The following ZPLD1 variants were observed in gnomAD, a reference collection of about 807,000 sequenced individuals.
ZPLD1 encodes zona pellucida-like domain-containing protein 1.
ZPLD1 carries 34 observed loss-of-function variants against 47.2 expected under a neutral mutation model. The observed-to-expected ratio is 0.72, with a 90% confidence interval of 0.55 to 0.96. The LOEUF (loss-of-function observed/expected upper bound fraction) is 0.96. ZPLD1 is among the 40% of genes least tolerant of loss of function. The pLI is 0.00. For missense variants in ZPLD1, 512 were observed against 505.8 expected (o/e 1.01, Z -0.12); for synonymous variants, 176 against 186.2 (o/e 0.95, Z 0.45).
intron 7 of ZPLD1, among the ~76,000 whole-genome samples, chr3:102,416,130 A>G (rs957264175): frequency 2.6e-5 from 4 of 151,924 alleles, no homozygotes; most frequent in Non-Finnish European, 5.9e-5. Flanking sequence ...ATGTTTTCCA[A>G]TAACTGGTAA....
At chr3:102,459,219 T>C (rs948551302) in intron 6 of ZPLD1, among the ~76,000 whole-genome samples, 1 of 152,096 alleles carries the variant, frequency 6.6e-6, no homozygotes, top group Non-Finnish European at 1.5e-5. Context: ...TAACAATATT[T>C]ATATAACTTT....
intron 7 of ZPLD1, among the ~76,000 whole-genome samples, chr3:102,414,297 CT>C (rs1706779635): frequency 1.3e-5 from 2 of 151,858 alleles, no homozygotes; most frequent in East Asian, 3.9e-4. Context: ...AGGAATAGCA[CT>C]ATCTATGACA....
chr3:102,418,852 T>G (rs755422778), intron 8 of ZPLD1, among the ~76,000 whole-genome samples: 4 of 152,054 alleles, frequency 2.6e-5, no homozygotes, highest in Non-Finnish European at 5.9e-5. Flanking sequence ...GAATCTCCCA[T>G]AACCTGGGAG....
intron 7 of ZPLD1, among the ~76,000 whole-genome samples, chr3:102,405,229 G>T (rs544033493): frequency 1.3e-5 from 2 of 151,950 alleles, no homozygotes; most frequent in South Asian, 4.2e-4. Flanking sequence ...TACACATTTG[G>T]TTCATTCTCT....
intron 8 of ZPLD1, among the ~76,000 whole-genome samples, chr3:102,464,706 A>G (rs940659921): frequency 1.3e-5 from 2 of 152,190 alleles, no homozygotes; most frequent in African/African-American, 2.4e-5. Flanking sequence ...ATTTAGTATA[A>G]AACTATAATA....
At chr3:102,389,690 T>C (rs1055162099) in intron 6 of ZPLD1, among the ~76,000 whole-genome samples, 4 of 152,180 alleles carry the variant, frequency 2.6e-5, no homozygotes, top group African/African-American at 4.8e-5. Context: ...CGTGGTTCAT[T>C]TATATAGCTT....
rs528456309 is a variant in ZPLD1 at position 102,438,351 on chromosome 3, C to T, written c.-8-129C>T. On this transcript the variant is annotated intron_variant, in intron 2 of 11. Coordinates refer to ENST00000466937, the MANE Select transcript of ZPLD1 (RefSeq NM_001329788.2). ...TACTACCGATAATCCTCAGTTATTTCGTGAGCTTTGGCTGCATGGATGTAA... is the reference window on the plus strand; with the variant it reads ...TACTACCGATAATCCTCAGTTATTTTGTGAGCTTTGGCTGCATGGATGTAA... 32 of 606,622 alleles carry T rather than the reference C, an allele frequency of 5.3e-5. No homozygotes were observed. The South Asian group carries it at 5.6e-4, about 11-fold the overall frequency. 37.6% of individuals were successfully genotyped at this position (606,622 alleles called of 1,614,324 possible).
Position 102,438,573 on chromosome 3 carries a change from A to C in ZPLD1, c.86A>C (p.Asn29Thr), listed in dbSNP as rs6784389. ...TTCAACGGCTACAACTGTGATGCCA[A>C]CCTCCACAGTAGATTTCCTGGTAAG... is the stretch of plus-strand genomic sequence containing the variant. Reference protein sequence around the residue: ...AQFNGYNCDANLHSRFPAERD... With the variant: ...AQFNGYNCDATLHSRFPAERD... The change falls in exon 3 of 12, where the codon AAC (asparagine) becomes ACC (threonine). Residue 29 changes from asparagine (N) to threonine (T), a missense_variant. Physicochemically the swap from Asn to Thr is moderately conservative, Grantham distance 65. Transcript: ENST00000466937. The C allele has an allele frequency of 1.6e-5, 26 of 1,612,514 alleles. No homozygotes were observed. Among genetic ancestry groups the C allele is most frequent in the African/African-American group, 4.0e-5 (3 of 74,856 alleles).
upstream of ZPLD1, among the ~76,000 whole-genome samples, chr3:102,433,781 G>A (rs550629301): frequency 1.8e-4 from 27 of 152,142 alleles, no homozygotes; most frequent in African/African-American, 4.1e-4. Flanking sequence ...CACCCGCCTC[G>A]GCCTCCCAAA....
chr3:102,466,583 G>C (rs1283730064), intron 8 of ZPLD1, among the ~76,000 whole-genome samples: 7 of 152,086 alleles, frequency 4.6e-5, no homozygotes, highest in African/African-American at 1.4e-4. Flanking sequence ...GGTAAGTAAG[G>C]ATAGGACAGT....
At chr3:102,410,311 A>G (rs1706735571) in intron 7 of ZPLD1, among the ~76,000 whole-genome samples, 1 of 151,726 alleles carries the variant, frequency 6.6e-6, no homozygotes, top group South Asian at 2.1e-4. Flanking sequence ...CTTGGAGTGG[A>G]GTTCAGAATC....
At chr3:102,463,258 C>T (rs1490867589) in intron 7 of ZPLD1, among the ~76,000 whole-genome samples, 1 of 152,172 alleles carries the variant, frequency 6.6e-6, no homozygotes, top group Admixed American at 6.5e-5. Context: ...CACCCTAACA[C>T]AGTGTCTATT....
At chr3:102,443,439 TAGAG>T (rs1707211262) in intron 3 of ZPLD1, among the ~76,000 whole-genome samples, 1 of 152,304 alleles carries the variant, frequency 6.6e-6, no homozygotes, top group African/African-American at 2.4e-5. Flanking sequence ...TGCAAATTAA[TAGAG>T]ATTCTTTCCA....
intron 7 of ZPLD1, among the ~76,000 whole-genome samples, chr3:102,401,143 T>C (rs1706615321): frequency 1.3e-5 from 2 of 152,090 alleles, no homozygotes; most frequent in Admixed American, 1.3e-4. Context: ...GAGAGAAAAT[T>C]AGGATTATAT....
intron 3 of ZPLD1, among the ~76,000 whole-genome samples, chr3:102,445,045 C>G (rs576948370): frequency 6.6e-6 from 1 of 152,176 alleles, no homozygotes; most frequent in Admixed American, 6.5e-5. Context: ...GTGCTACAGG[C>G]ACCACCACTG....
chr3:102,435,183 A>G (rs1449656949), intron 1 of ZPLD1, 29 bp downstream of exon 1: 2 of 1,612,792 alleles, frequency 1.2e-6, no homozygotes, highest in South Asian at 2.2e-5. Flanking sequence ...AATTTGCAAG[A>G]TAATAGTTCA....
chr3:102,452,116 TGTGTGTG>T (rs1159644886), intron 3 of ZPLD1, among the ~76,000 whole-genome samples: 7 of 2,740 alleles, frequency 2.6e-3, no homozygotes, highest in African/African-American at 0.019. Flanking sequence ...ATGAAGACCG[TGTGTGTG>T]TGTGTGTGTG....
chr3:102,400,021 G>A (rs1396681554), intron 7 of ZPLD1, among the ~76,000 whole-genome samples: 1 of 152,028 alleles, frequency 6.6e-6, no homozygotes, highest in Non-Finnish European at 1.5e-5. Context: ...GTTTTGCCAT[G>A]TTGGACAGAC....
At chr3:102,442,363 C>CAA (rs1559752783) in intron 3 of ZPLD1, among the ~76,000 whole-genome samples, 1 of 136,266 alleles carries the variant, frequency 7.3e-6, no homozygotes, top group Non-Finnish European at 1.6e-5. Flanking sequence ...CACACACACA[C>CAA]AGTTACAATT....
Sources: allele counts gnomAD v4.1 joint callset (sites outside exome capture counted in the v4.1 genomes callset), GRCh38; gene constraint gnomAD v4.1.1; transcripts MANE v1.5; gene names NCBI Gene and HGNC (gene_info 2026-07-23, HGNC 2026-07-21).